The following EPHA5 variants were observed in gnomAD, a reference collection of about 807,000 sequenced individuals.
The protein encoded by EPHA5 is ephrin type-A receptor 5.
In EPHA5, 60 loss-of-function variants were observed where a neutral mutation model predicts 105.0. The observed-to-expected ratio is 0.57, with a 90% CI of 0.46 to 0.71. EPHA5 has a LOEUF of 0.71. Among genes scored for constraint, EPHA5 ranks in the 30% least tolerant of loss-of-function variants. The pLI, the probability that EPHA5 is intolerant of heterozygous loss-of-function variation, is 0.00. For missense variants in EPHA5, 1,218 were observed against 1,274.7 expected (o/e 0.96, Z 0.68); for synonymous variants, 513 against 449.1 (o/e 1.14, Z -1.80).
chr4:65,489,005 C>T (rs979030035), intron 5 of EPHA5, among the ~76,000 whole-genome samples: 10 of 151,436 alleles, frequency 6.6e-5, no homozygotes, highest in African/African-American at 2.4e-4. Context: ...CCTGCCTCAG[C>T]CTCCCGAGTA....
intron 3 of EPHA5, among the ~76,000 whole-genome samples, chr4:65,500,385 G>GT (rs1301978039): frequency 2.0e-5 from 3 of 150,616 alleles, no homozygotes; most frequent in Non-Finnish European, 4.5e-5. Flanking sequence ...TTGAAGGCTC[G>GT]TTTTTTAAAT....
intron 8 of EPHA5, among the ~76,000 whole-genome samples, chr4:65,375,004 T>C (rs1384611978): frequency 6.6e-6 from 1 of 151,862 alleles, no homozygotes; most frequent in Non-Finnish European, 1.5e-5. Flanking sequence ...TCTAAACAAA[T>C]GTCATCCTTA....
chr4:65,365,689 A>ATATATATATATATATATATATT lies in EPHA5; in HGVS notation c.1987+242_1987+243insAATATATATATATATATATATA, dbSNP rs765636669. 1.6e-3 allele frequency among the ~76,000 whole-genome samples: 147 copies of ATATATATATATATATATATATT among 93,794 alleles called. 17 individuals carry two copies. Among genetic ancestry groups the ATATATATATATATATATATATT allele is most frequent in the South Asian group, 4.3e-3 (11 of 2,580 alleles). 61.5% of individuals were successfully genotyped at this position (93,794 alleles called of 152,430 possible). A position where few individuals can be genotyped will look rare whatever the true frequency, so the allele number is the denominator to read the frequency against. ...TATATATATATATATATATATATAT[A>ATATATATATATATATATATATT]GTGAAACATTATCTATTTAAAATAT... On this transcript the variant is annotated intron_variant, in intron 10 of 16. Coordinates refer to ENST00000613740, the MANE Select transcript of EPHA5 (RefSeq NM_001281766.3).
chr4:65,509,335 G>T (rs764696873), intron 3 of EPHA5, among the ~76,000 whole-genome samples: 1 of 151,754 alleles, frequency 6.6e-6, no homozygotes, highest in Admixed American at 6.6e-5. Context: ...TTAACTGTTC[G>T]ACCTGTTTGA....
Position 65,436,597 on chromosome 4 carries a change from T to C in EPHA5, c.1403-16032A>G, listed in dbSNP as rs373871590. ...TGCACATGAAAAGTTCACTAATTTG[T>C]GATTCAATGTTTGTACTTCTGAATA... On this transcript the variant is annotated intron_variant, in intron 5 of 16. Transcript: ENST00000613740. Among the ~76,000 whole-genome samples the C allele has an allele frequency of 2.7e-4, 41 of 152,114 alleles. 1 individual carries two copies. The South Asian group carries it at 6.2e-3, about 23-fold the overall frequency.
chr4:65,337,801 C>G (rs987453979), intron 14 of EPHA5, among the ~76,000 whole-genome samples: 3 of 151,806 alleles, frequency 2.0e-5, no homozygotes, highest in Admixed American at 1.3e-4. Flanking sequence ...TAGTTTATAT[C>G]CCCCCTGGAA....
Position 65,565,001 on chromosome 4 carries a change from A to ATAAATTTCCACTTAT in EPHA5, c.910+36639_910+36640insATAAGTGGAAATTTA, listed in dbSNP as rs1218755296. ...AATTTCCACTTATTCATTACATACA[A>ATAAATTTCCACTTAT]TCTATTAATAAATATTATACAGTTA... On this transcript the variant is annotated intron_variant, in intron 3 of 16. Coordinates refer to ENST00000613740, the MANE Select transcript of EPHA5 (RefSeq NM_001281766.3). 3.3e-5 allele frequency among the ~76,000 whole-genome samples: 5 copies of ATAAATTTCCACTTAT among 151,754 alleles called. No individual in the cohort carries two copies. The East Asian group carries it at 9.6e-4, about 29-fold the overall frequency.
intron 1 of EPHA5, among the ~76,000 whole-genome samples, chr4:65,652,059 A>C (rs1174178920): frequency 1.3e-5 from 2 of 152,164 alleles, no homozygotes; most frequent in Non-Finnish European, 2.9e-5. Flanking sequence ...TATTGTTTTT[A>C]TTCTAAAAAG....
At chr4:65,489,479 G>A (rs577365689) in intron 5 of EPHA5, among the ~76,000 whole-genome samples, 1 of 152,252 alleles carries the variant, frequency 6.6e-6, no homozygotes, top group African/African-American at 2.4e-5. Context: ...ACTACACTTT[G>A]GACTGAGAGT....
At position 65,669,705 on chromosome 4, in the gene EPHA5, C is replaced by G. The variant is rs2149572055; in HGVS notation, c.38G>C (p.Arg13Pro). 1 of 1,293,102 alleles carries G rather than the reference C, an allele frequency of 7.7e-7. No individual in the cohort carries two copies. The highest frequency in any genetic ancestry group is 9.8e-7 in the Non-Finnish European group (1 of 1,018,048). The allele number at this position is 1,293,102 out of a possible 1,614,324, so 80.1% of individuals were successfully genotyped here. A position where few individuals can be genotyped will look rare whatever the true frequency, so the allele number is the denominator to read the frequency against. ...GGTGTCGCCGCCGCCGCTTGGGGGC[C>G]GCCGGCGTCCCGCACCCCGGGGCCC... ...GSGPRGAGRR[R>P]PPSGGGDTPI... The change falls in exon 1 of 17, where the codon CGG becomes CCG. Residue 13 changes from arginine to proline, a missense_variant. Coordinates refer to ENST00000613740, the MANE Select transcript of EPHA5 (RefSeq NM_001281766.3).
intron 2 of EPHA5, among the ~76,000 whole-genome samples, chr4:65,637,396 T>C (rs1385589603): frequency 6.6e-6 from 1 of 151,186 alleles, no homozygotes; most frequent in Non-Finnish European, 1.5e-5. Flanking sequence ...ATTTGCATAC[T>C]CTCCTATATG....
At chr4:65,360,522 T>C (rs1302390119) in intron 11 of EPHA5, among the ~76,000 whole-genome samples, 1 of 151,674 alleles carries the variant, frequency 6.6e-6, no homozygotes, top group Non-Finnish European at 1.5e-5. Flanking sequence ...TTTTTAATGT[T>C]AATTTTTCCC....
chr4:65,619,049 G>A (rs1234204401), intron 2 of EPHA5, among the ~76,000 whole-genome samples: 2 of 152,116 alleles, frequency 1.3e-5, no homozygotes, highest in Admixed American at 6.6e-5. Flanking sequence ...CAGCTACTCA[G>A]GAGGCTGAGG....
chr4:65,431,126 A>T (rs1016355060), intron 5 of EPHA5, among the ~76,000 whole-genome samples: 1 of 152,170 alleles, frequency 6.6e-6, no homozygotes, highest in African/African-American at 2.4e-5. Context: ...ATAAGCCAAG[A>T]TAAATCCTCA....
At chr4:65,624,506 T>A (rs1409486407) in intron 2 of EPHA5, among the ~76,000 whole-genome samples, 1 of 152,168 alleles carries the variant, frequency 6.6e-6, no homozygotes, top group African/African-American at 2.4e-5. Context: ...ACAAAATAAA[T>A]CCTATTGTTA....
At chr4:65,561,253 C>T (rs1738983106) in intron 3 of EPHA5, among the ~76,000 whole-genome samples, 1 of 151,972 alleles carries the variant, frequency 6.6e-6, no homozygotes, top group South Asian at 2.1e-4. Flanking sequence ...TATTATTTAT[C>T]TAAGAATGGG....
rs1175955338 is a variant in EPHA5 at position 65,670,109 on chromosome 4, T to C, written c.-367A>G. ...CACTAGGGGAAAGGTGAAGGTTCTT[T>C]GCAGCCTTCAGTGTTGAAATGGACG... On this transcript the variant is annotated 5_prime_UTR_variant, in exon 1 of 17. Transcript: ENST00000613740. 1.1e-5 allele frequency: 3 copies of C among 283,836 alleles called. No homozygotes were observed. The allele number at this position is 283,836 out of a possible 1,614,324, so 17.6% of individuals were successfully genotyped here.
intron 3 of EPHA5, among the ~76,000 whole-genome samples, chr4:65,577,953 C>A (rs980753551): frequency 2.0e-5 from 3 of 152,092 alleles, no homozygotes; most frequent in Non-Finnish European, 4.4e-5. Flanking sequence ...TTCTGCCTCA[C>A]CAGAAATTCC....
At chr4:65,463,907 G>T (rs1471970414) in intron 5 of EPHA5, among the ~76,000 whole-genome samples, 2 of 151,190 alleles carry the variant, frequency 1.3e-5, no homozygotes, top group Non-Finnish European at 3.0e-5. Flanking sequence ...AGCTGATTTA[G>T]TAATTTGGTA....
Sources: allele counts gnomAD v4.1 joint callset (sites outside exome capture counted in the v4.1 genomes callset), GRCh38; gene constraint gnomAD v4.1.1; transcripts MANE v1.5; gene names NCBI Gene and HGNC (gene_info 2026-07-23, HGNC 2026-07-21).